TRAIP: variants seen among roughly 807,000 people sequenced by gnomAD.
TRAIP encodes E3 ubiquitin-protein ligase TRAIP.
In TRAIP, 37 loss-of-function variants were observed where a neutral mutation model predicts 65.0. The observed-to-expected ratio is 0.57, with a 90% CI of 0.44 to 0.75. TRAIP has a LOEUF of 0.75. Among genes scored for constraint, TRAIP ranks in the 30% least tolerant of loss-of-function variants. The pLI, the probability that TRAIP is intolerant of heterozygous loss-of-function variation, is 0.00. For missense variants in TRAIP, 481 were observed against 579.4 expected, an observed-to-expected ratio of 0.83 and a Z score of 1.74; for synonymous variants, 187 against 219.1, an observed-to-expected ratio of 0.85 and a Z score of 1.29.
At chr3:49,829,534 G>A (rs763879890) in intron 13 of TRAIP, 26 bp from the exon 14 acceptor site, 4 of 1,614,112 alleles carry the variant, frequency 2.5e-6, no homozygotes, top group Non-Finnish European at 3.4e-6. Context: ...GAGATGAGTG[G>A]GCCAGGCTAA....
intron 3 of TRAIP, among the ~76,000 whole-genome samples, chr3:49,845,493 T>C (rs1179817991): frequency 6.6e-6 from 1 of 152,138 alleles, no homozygotes; most frequent in African/African-American, 2.4e-5. Context: ...GCCCAGTGGG[T>C]AAACAAGCCC....
At chr3:49,841,674 C>T (rs1388131633) in intron 7 of TRAIP, 152 bp downstream of exon 7, 10 of 618,194 alleles carry the variant, frequency 1.6e-5, no homozygotes, top group South Asian at 4.1e-5. Flanking sequence ...CACATAGTTG[C>T]TGAAAGGTGG....
chr3:49,837,980 C>A (rs1007704969), intron 10 of TRAIP, among the ~76,000 whole-genome samples: 2 of 152,084 alleles, frequency 1.3e-5, no homozygotes, highest in African/African-American at 4.8e-5. Flanking sequence ...AAGTGATCCT[C>A]CTGCCTTGGC....
chr3:49,836,952 C>CTTTTTT (rs397875517), intron 10 of TRAIP, among the ~76,000 whole-genome samples: 7 of 83,222 alleles, frequency 8.4e-5, no homozygotes, highest in Admixed American at 1.3e-4. Context: ...CTTGACATGA[C>CTTTTTT]TTTTTTTTTT....
intron 5 of TRAIP, among the ~76,000 whole-genome samples, 157 bp from the exon 6 acceptor site, chr3:49,842,704 TC>T (rs1484671178): frequency 6.6e-6 from 1 of 152,090 alleles, no homozygotes; most frequent in Non-Finnish European, 1.5e-5. Flanking sequence ...AGCTCCTGGG[TC>T]CCACTCTCGC....
intron 11 of TRAIP, 42 bp downstream of exon 11, chr3:49,831,874 C>T (rs1186580997): frequency 2.7e-6 from 4 of 1,492,818 alleles, no homozygotes; most frequent in Non-Finnish European, 3.6e-6. Context: ...TCTTAGCTAT[C>T]CCCCTACCAG....
chr3:49,837,802 G>A (rs2081801933), intron 10 of TRAIP, among the ~76,000 whole-genome samples: 1 of 151,654 alleles, frequency 6.6e-6, no homozygotes, highest in South Asian at 2.1e-4. Flanking sequence ...GGCTGGTCTC[G>A]AACTCCTGAC....
chr3:49,855,917 G>A (rs1363026305), intron 1 of TRAIP, among the ~76,000 whole-genome samples: 1 of 152,200 alleles, frequency 6.6e-6, no homozygotes, highest in East Asian at 1.9e-4. Flanking sequence ...ATACATTGGG[G>A]TGTCTGGACA....
intron 10 of TRAIP, among the ~76,000 whole-genome samples, chr3:49,833,314 C>G (rs543561242): frequency 6.6e-6 from 1 of 152,188 alleles, no homozygotes; most frequent in Non-Finnish European, 1.5e-5. Flanking sequence ...TCCCCTAAGG[C>G]GTTGCCTAGT....
intron 11 of TRAIP, 92 bp from the exon 12 acceptor site, chr3:49,830,160 T>G (rs2081720090): frequency 2.2e-6 from 3 of 1,377,498 alleles, no homozygotes; most frequent in Non-Finnish European, 3.1e-6. Context: ...GGAGTTACCA[T>G]GTGGCACTGC....
At position 49,831,973 on chromosome 3, in the gene TRAIP, G is replaced by A. The variant is rs1402281441; in HGVS notation, c.980C>T (p.Ala327Val). ...ACCATGCTGGGAGCTGGAGGGCCGG[G>A]CTGGGGGAGTATCCACATCAAAGGT... The part of the protein sequence containing the change: ...NATFDVDTPP[A>V]RPSSSQHGYY... Residue 327 changes from alanine to valine, a missense_variant, in exon 11 of 15, where the codon GCC (alanine) becomes GTC (valine). Ala to Val is a moderately conservative substitution (Grantham distance 64, BLOSUM62 0). Transcript: ENST00000331456. 2 of 1,606,780 alleles carry A rather than the reference G, an allele frequency of 1.2e-6. No homozygotes were observed. The highest frequency in any genetic ancestry group is 1.3e-5 in the African/African-American group (1 of 74,650).
chr3:49,842,914 G>T (rs1174349833), intron 5 of TRAIP, among the ~76,000 whole-genome samples: 1 of 152,184 alleles, frequency 6.6e-6, no homozygotes, highest in Non-Finnish European at 1.5e-5. Context: ...ACAAACCCAG[G>T]CCTCACCATC....
intron 3 of TRAIP, among the ~76,000 whole-genome samples, chr3:49,845,893 T>C (rs1222236218): frequency 2.0e-5 from 3 of 152,182 alleles, no homozygotes; most frequent in African/African-American, 7.2e-5. Flanking sequence ...CCTGAAGCAG[T>C]GAGGTTCCAA....
intron 7 of TRAIP, among the ~76,000 whole-genome samples, chr3:49,841,405 C>G (rs1259289091): frequency 2.6e-5 from 4 of 152,198 alleles, no homozygotes; most frequent in Non-Finnish European, 4.4e-5. Context: ...GCCCTCCACC[C>G]TTCCTGCCAA....
intron 13 of TRAIP, 23 bp from the exon 14 acceptor site, chr3:49,829,531 G>T (rs370124865): frequency 6.2e-7 from 1 of 1,614,176 alleles, no homozygotes; most frequent in South Asian, 1.1e-5. Flanking sequence ...GAAGAGATGA[G>T]TGGGCCAGGC....
intron 4 of TRAIP, 45 bp downstream of exon 4, chr3:49,844,496 C>T (rs1418117388): frequency 5.0e-6 from 8 of 1,610,008 alleles, no homozygotes; most frequent in Non-Finnish European, 6.8e-6. Context: ...CCTCCAGCAT[C>T]CAAGTCAGGG....
At chr3:49,849,825 ATTTTC>A (rs1438123421) in intron 1 of TRAIP, among the ~76,000 whole-genome samples, 1 of 120,274 alleles carries the variant, frequency 8.3e-6, no homozygotes, top group African/African-American at 3.1e-5. Flanking sequence ...CTATAAGTAC[ATTTTC>A]TTTTCTTTTC....
At chr3:49,848,505 G>T (rs2108319971) in intron 1 of TRAIP, among the ~76,000 whole-genome samples, 1 of 152,262 alleles carries the variant, frequency 6.6e-6, no homozygotes, top group Non-Finnish European at 1.5e-5. Context: ...GGCCCTCAGA[G>T]ATGAGGACTC....
At chr3:49,851,149 CTG>C (rs2081927512) in intron 1 of TRAIP, among the ~76,000 whole-genome samples, 1 of 151,656 alleles carries the variant, frequency 6.6e-6, no homozygotes, top group Admixed American at 6.6e-5. Flanking sequence ...GGCTAATTTT[CTG>C]TGTTTTTAGT....
Sources: allele counts gnomAD v4.1 joint callset (sites outside exome capture counted in the v4.1 genomes callset), GRCh38; gene constraint gnomAD v4.1.1; transcripts MANE v1.5; gene names NCBI Gene and HGNC (gene_info 2026-07-23, HGNC 2026-07-21).